Variants in RASGRF1 observed in about 807,000 individuals in gnomAD.
The protein encoded by RASGRF1 is ras-specific guanine nucleotide-releasing factor 1.
Under a neutral mutation model 138.7 loss-of-function variants are expected in RASGRF1, and 40 were observed. That is an observed-to-expected ratio of 0.29 (90% CI 0.22 to 0.38). The LOEUF is 0.38. Among genes scored for constraint, RASGRF1 ranks in the 10% least tolerant of loss-of-function variants. The pLI is 1.00. For synonymous variants in RASGRF1, 614 were observed against 663.2 expected (o/e 0.93, Z 1.14); for missense variants, 1,108 against 1,650.4 (o/e 0.67, Z 5.69).
intron 1 of RASGRF1, among the ~76,000 whole-genome samples, chr15:79,087,537 G>A (rs1376588048): frequency 3.3e-5 from 5 of 152,204 alleles, no homozygotes; most frequent in African/African-American, 4.8e-5. Context: ...AGATGGCTTC[G>A]TAGACGCCTC....
At chr15:78,993,223 G>A (rs1435163034) in intron 20 of RASGRF1, among the ~76,000 whole-genome samples, 1 of 138,364 alleles carries the variant, frequency 7.2e-6, no homozygotes, top group African/African-American at 2.7e-5. Flanking sequence ...GCGTGTGCCT[G>A]TGTGGGTGAT....
intron 1 of RASGRF1, among the ~76,000 whole-genome samples, chr15:79,065,160 A>T (rs1189488932): frequency 5.3e-5 from 8 of 152,242 alleles, no homozygotes; most frequent in Admixed American, 5.2e-4. Flanking sequence ...CTTGGCACCT[A>T]GTAAGCACTG....
At chr15:79,079,582 CTG>C (rs1025065186) in intron 1 of RASGRF1, among the ~76,000 whole-genome samples, 4 of 152,018 alleles carry the variant, frequency 2.6e-5, no homozygotes, top group African/African-American at 7.3e-5. Context: ...ATGGTGCAGA[CTG>C]TGTTACCATT....
intron 9 of RASGRF1, among the ~76,000 whole-genome samples, 168 bp from the exon 10 acceptor site, chr15:79,025,642 A>G (rs2057036177): frequency 6.6e-6 from 1 of 152,228 alleles, no homozygotes; most frequent in Admixed American, 6.5e-5. Context: ...CTGCAGGGCC[A>G]GATGGCTGAG....
At position 79,035,283 on chromosome 15, in the gene RASGRF1, C is replaced by T. The variant is rs942443027; in HGVS notation, c.879-73G>A. 4 of 1,262,980 alleles carry T rather than the reference C, an allele frequency of 3.2e-6. No homozygotes were observed. In the Middle Eastern group the frequency reaches 7.5e-4, roughly 237 times the overall value. The allele number at this position is 1,262,980 out of a possible 1,614,324, so 78.2% of individuals were successfully genotyped here. A position where few individuals can be genotyped will look rare whatever the true frequency, so the allele number is the denominator to read the frequency against. Reference sequence around the variant, plus strand: ...GCTCCAGAGGTGACTGTCCCCAAACCTCCTGCGTGACTTCAGCAGCGAACC... The same window carrying T: ...GCTCCAGAGGTGACTGTCCCCAAACTTCCTGCGTGACTTCAGCAGCGAACC... On this transcript the variant is annotated intron_variant, in intron 5 of 26. Coordinates refer to ENST00000558480, the MANE Select transcript of RASGRF1 (RefSeq NM_001145648.3).
intron 24 of RASGRF1, among the ~76,000 whole-genome samples, chr15:78,976,653 A>AG (rs1279109093): frequency 6.6e-6 from 1 of 152,150 alleles, no homozygotes; most frequent in East Asian, 1.9e-4. Context: ...GGACTGCTGG[A>AG]GGGCCCCACA....
intron 3 of RASGRF1, among the ~76,000 whole-genome samples, chr15:79,052,793 GGCA>G (rs146547434): frequency 5.7e-4 from 87 of 152,314 alleles, no homozygotes; most frequent in African/African-American, 2.0e-3. Context: ...TGTGTGCCAG[GGCA>G]GCAGGTCTTG....
chr15:79,082,980 G>A (rs999303965), intron 1 of RASGRF1, among the ~76,000 whole-genome samples: 4 of 152,286 alleles, frequency 2.6e-5, no homozygotes, highest in South Asian at 4.2e-4. Flanking sequence ...CACCTATTGC[G>A]CTGTGCTAGG....
chr15:78,998,910 T>C, intron 17 of RASGRF1, 85 bp from the exon 18 acceptor site: 1 of 1,130,848 alleles, frequency 8.8e-7, no homozygotes, highest in East Asian at 2.4e-5. Context: ...GCCTCTCGGA[T>C]CTGGCTGAGC....
At chr15:78,999,562 CTG>C (rs1595885924) in intron 17 of RASGRF1, among the ~76,000 whole-genome samples, 179 bp downstream of exon 17, 5 of 152,184 alleles carry the variant, frequency 3.3e-5, no homozygotes, top group Admixed American at 2.0e-4. Context: ...CAGTGAGTGA[CTG>C]TAGTCAATTG....
At chr15:79,024,471 T>C (rs933717878) in intron 10 of RASGRF1, among the ~76,000 whole-genome samples, 1 of 151,694 alleles carries the variant, frequency 6.6e-6, no homozygotes, top group African/African-American at 2.4e-5. Context: ...TACACATACA[T>C]ACATACTGAT....
intron 22 of RASGRF1, among the ~76,000 whole-genome samples, chr15:78,987,566 T>C (rs2056186035): frequency 1.3e-5 from 2 of 152,000 alleles, no homozygotes; most frequent in Admixed American, 6.6e-5. Context: ...TGCAGTGGCA[T>C]GCACCTGTAA....
chr15:78,975,048 A>G (rs1345560790), intron 24 of RASGRF1, among the ~76,000 whole-genome samples: 1 of 152,194 alleles, frequency 6.6e-6, no homozygotes, highest in Non-Finnish European at 1.5e-5. Flanking sequence ...TGACCCTTTC[A>G]TGGGTGTTGA....
At chr15:79,015,274 G>A (rs764125881) in intron 13 of RASGRF1, 53 bp downstream of exon 13, 206 of 1,530,714 alleles carry the variant, frequency 1.3e-4, no homozygotes, top group Non-Finnish European at 1.1e-4. Flanking sequence ...GTCACCTTGT[G>A]GTACTCAGTC....
rs936144458 is a variant in RASGRF1, at chr15:78,973,530, G to A, written c.3495-110C>T. 1.3e-6 allele frequency: 1 copy of A among 763,832 alleles called. No homozygotes were observed. The highest frequency in any genetic ancestry group is 2.6e-5 in the East Asian group (1 of 38,652). 47.3% of individuals were successfully genotyped at this position (763,832 alleles called of 1,614,324 possible). A position where few individuals can be genotyped will look rare whatever the true frequency, so the allele number is the denominator to read the frequency against. On this transcript the variant is annotated intron_variant, in intron 24 of 26. Transcript: ENST00000558480. This position sits in a 1 kb window ranked among gnomAD's most constrained non-coding sequence, Gnocchi z 4.9. ...TGCTTTGCTAGAGGCAAAGGGACTT[G>A]CAGTCACCAAGAATCACACTACACT...
chr15:79,068,642 A>C (rs886836416), intron 1 of RASGRF1, among the ~76,000 whole-genome samples: 6 of 151,274 alleles, frequency 4.0e-5, no homozygotes, highest in Non-Finnish European at 5.9e-5. Context: ...TTTTATATCT[A>C]TCCATCTATC....
At position 78,995,748 on chromosome 15, in the gene RASGRF1, T is replaced by G; in HGVS notation, c.3019A>C (p.Thr1007Pro). The G allele has an allele frequency of 6.2e-7, 1 of 1,614,146 alleles. No individual in the cohort carries two copies. Among genetic ancestry groups the G allele is most frequent in the Non-Finnish European group, 8.5e-7 (1 of 1,180,004 alleles). ...GGGCAGGCCCAGCTCACCATCTGCG[T>G]GATCTCCTCCAGCGTGATCTGGTTG... ...GDNQITLEEITQMAEGVKAEP... is the reference protein window; with the variant it reads ...GDNQITLEEIPQMAEGVKAEP... The change falls in exon 20 of 27, where the codon ACG becomes CCG. Residue 1007 changes from threonine to proline, a missense_variant. Physicochemically the swap from Thr to Pro is conservative, Grantham distance 38 (BLOSUM62 -1). Transcript: ENST00000558480.
At chr15:79,064,120 G>A (rs2057644453) in intron 2 of RASGRF1, among the ~76,000 whole-genome samples, 1 of 152,134 alleles carries the variant, frequency 6.6e-6, no homozygotes. Flanking sequence ...TAGGCTTCAG[G>A]AGCCACAAAA....
intron 26 of RASGRF1, among the ~76,000 whole-genome samples, chr15:78,966,418 TG>T (rs1315121528): frequency 2.8e-5 from 4 of 142,584 alleles, no homozygotes; most frequent in Non-Finnish European, 6.0e-5. Context: ...TTTATTTTTT[TG>T]TAGAGTTGGG....
Sources: gnomAD v4.1 joint callset for allele counts (sites outside exome capture counted in the v4.1 genomes callset) on GRCh38, gnomAD v4.1.1 for gene constraint, Gnocchi (gnomAD v3.1) non-coding constraint, MANE v1.5 for transcripts, NCBI Gene and HGNC (gene_info 2026-07-23, HGNC 2026-07-21) for gene names.